Variants in SLC39A11 observed in about 807,000 individuals in gnomAD.
The protein encoded by SLC39A11 is solute carrier family 39 member 11.
A neutral mutation model predicts 36.1 loss-of-function variants in SLC39A11; 33 were observed. That is an observed-to-expected ratio of 0.91 (90% CI 0.69 to 1.22). SLC39A11 has a LOEUF of 1.22. Among genes scored for constraint, SLC39A11 ranks in the 50% most tolerant of loss-of-function variants. The pLI is 0.00. For missense variants in SLC39A11, 432 were observed against 430.3 expected, an observed-to-expected ratio of 1.00 and a Z score of -0.03; for synonymous variants, 166 against 170.3, an observed-to-expected ratio of 0.97 and a Z score of 0.20.
Position 72,687,083 on chromosome 17 carries a change from G to A in SLC39A11, c.672-37815C>T, listed in dbSNP as rs78860531. Among the ~76,000 whole-genome samples, 799 of 152,246 alleles carry A rather than the reference G, an allele frequency of 5.2e-3. 8 individuals carry two copies. The highest frequency in any genetic ancestry group is 8.6e-3 in the Non-Finnish European group (583 of 68,018). On this transcript the variant is annotated intron_variant, in intron 7 of 9. Transcript: ENST00000255559. ...TGCTCTGTCACCCAGGCTGGAGTTT[G>A]GTGGCACAATCACAGCTACTATAAC...
intron 7 of SLC39A11, among the ~76,000 whole-genome samples, chr17:72,690,959 C>T (rs2071999455): frequency 6.6e-6 from 1 of 152,140 alleles, no homozygotes; most frequent in African/African-American, 2.4e-5. Flanking sequence ...GACCAGATTT[C>T]CCAAATCTGT....
At chr17:73,047,991 ATATATATATATATATATATAT>A (rs368055109) in intron 3 of SLC39A11, among the ~76,000 whole-genome samples, 4,305 of 35,796 alleles carry the variant, frequency 0.12, 393 homozygotes, top group South Asian at 0.15. Context: ...AAAAAAAAAA[ATATATATATATATATATATAT>A]ATATATATAT....
intron 4 of SLC39A11, among the ~76,000 whole-genome samples, chr17:72,958,672 G>A (rs912267129): frequency 1.3e-5 from 2 of 152,022 alleles, no homozygotes; most frequent in Non-Finnish European, 2.9e-5. Context: ...CCAACATGGC[G>A]AAACCCCGTC....
intron 4 of SLC39A11, 109 bp from the exon 5 acceptor site, chr17:72,947,984 C>A: frequency 7.1e-7 from 1 of 1,415,482 alleles, no homozygotes; most frequent in South Asian, 1.3e-5. Flanking sequence ...CCAAGACCGC[C>A]ACAGCTGAGC....
chr17:72,801,323 C>A lies in SLC39A11; in HGVS notation c.601+48311G>T, dbSNP rs1043278589. On this transcript the variant is annotated intron_variant, in intron 6 of 9. Coordinates refer to ENST00000255559, the MANE Select transcript of SLC39A11 (RefSeq NM_139177.4). ...GCAACCTCTGCCTCCTGGGTTCAAG[C>A]AACTCTCCTGCCTCAGCCTCCTGAG... 2.0e-5 allele frequency among the ~76,000 whole-genome samples: 3 copies of A among 151,874 alleles called. No homozygotes were observed. In the East Asian group the frequency reaches 5.8e-4, roughly 29 times the overall value.
chr17:72,667,181 G>A (rs1053441149), intron 7 of SLC39A11, among the ~76,000 whole-genome samples: 2 of 152,162 alleles, frequency 1.3e-5, no homozygotes, highest in African/African-American at 4.8e-5. Flanking sequence ...AGGTGAAGAG[G>A]CAGGAGCAAG....
chr17:72,783,088 TGATTCTCACCAGAAAGCA>T (rs1381509834), intron 6 of SLC39A11, among the ~76,000 whole-genome samples: 3 of 127,238 alleles, frequency 2.4e-5, no homozygotes, highest in South Asian at 2.3e-4. Flanking sequence ...AGAAAGCAGA[TGATTCTCACCAGAAAGCA>T]GATTCTCACC....
chr17:72,828,783 G>A (rs549695439), intron 6 of SLC39A11, among the ~76,000 whole-genome samples: 3 of 152,188 alleles, frequency 2.0e-5, no homozygotes, highest in African/African-American at 7.2e-5. Context: ...GCTGGAGCAG[G>A]ACCTGTGCTG....
At chr17:73,034,710 A>G (rs572871425) in intron 3 of SLC39A11, among the ~76,000 whole-genome samples, 7 of 152,012 alleles carry the variant, frequency 4.6e-5, no homozygotes, top group African/African-American at 9.6e-5. Flanking sequence ...GACGTCCCCA[A>G]CCTCTGCTCT....
intron 5 of SLC39A11, among the ~76,000 whole-genome samples, chr17:72,917,063 A>T (rs2083375415): frequency 6.6e-6 from 1 of 152,242 alleles, no homozygotes; most frequent in Non-Finnish European, 1.5e-5. Context: ...GTGACCAGAT[A>T]GGAAGTGGTC....
chr17:72,903,578 G>C (rs1296696863), intron 5 of SLC39A11, among the ~76,000 whole-genome samples: 3 of 152,216 alleles, frequency 2.0e-5, no homozygotes, highest in African/African-American at 7.2e-5. Context: ...AGAGCACAGA[G>C]GGGCAGCCAA....
intron 4 of SLC39A11, among the ~76,000 whole-genome samples, chr17:73,010,892 C>T (rs1008706316): frequency 2.0e-5 from 3 of 152,196 alleles, no homozygotes; most frequent in Non-Finnish European, 4.4e-5. Flanking sequence ...ACTTCGATGC[C>T]GTAAGGAAGC....
At chr17:73,069,884 C>T (rs1460267855) in intron 3 of SLC39A11, among the ~76,000 whole-genome samples, 1 of 152,162 alleles carries the variant, frequency 6.6e-6, no homozygotes, top group Non-Finnish European at 1.5e-5. Flanking sequence ...TTCTAACAAG[C>T]TAGCTAAACA....
chr17:72,985,881 G>T (rs1056700757), intron 4 of SLC39A11, among the ~76,000 whole-genome samples: 3 of 152,096 alleles, frequency 2.0e-5, no homozygotes, highest in Non-Finnish European at 4.4e-5. Flanking sequence ...AGGTCATTAG[G>T]GCAGGTCCCA....
At chr17:72,887,841 T>G (rs1041366092) in intron 5 of SLC39A11, among the ~76,000 whole-genome samples, 12 of 152,218 alleles carry the variant, frequency 7.9e-5, no homozygotes, top group African/African-American at 2.9e-4. Flanking sequence ...GATCTCTGCT[T>G]CTATTTGTTC....
chr17:72,784,898 C>T (rs568392363), intron 6 of SLC39A11, among the ~76,000 whole-genome samples: 79 of 148,694 alleles, frequency 5.3e-4, no homozygotes, highest in Non-Finnish European at 9.6e-4. Context: ...CTCGCTCTGT[C>T]GCCCAGGCTG....
chr17:72,815,771 A>G (rs2077562048), intron 6 of SLC39A11, among the ~76,000 whole-genome samples: 1 of 151,934 alleles, frequency 6.6e-6, no homozygotes, highest in African/African-American at 2.4e-5. Context: ...AAAATACAAA[A>G]ATTAGCCAGA....
rs139144168 is a variant in SLC39A11 at position 72,920,948 on chromosome 17, G to A, written c.430+26804C>T. On this transcript the variant is annotated intron_variant, in intron 5 of 9. Transcript: ENST00000255559. Reference sequence around the variant, plus strand: ...TCCTTAGCAGTCAACACCATCTAACGCACTATGTATTTTGCTCATTTAGAA... The same window carrying A: ...TCCTTAGCAGTCAACACCATCTAACACACTATGTATTTTGCTCATTTAGAA... Among the ~76,000 whole-genome samples, 34 of 152,034 alleles carry A rather than the reference G, an allele frequency of 2.2e-4. No individual in the cohort carries two copies. The East Asian group carries it at 3.9e-3, about 17-fold the overall frequency.
At chr17:72,738,540 T>C (rs1465252846) in intron 6 of SLC39A11, among the ~76,000 whole-genome samples, 1 of 152,086 alleles carries the variant, frequency 6.6e-6, no homozygotes, top group Non-Finnish European at 1.5e-5. Context: ...TCTGCGTGTA[T>C]CTGATGGCGC....
Sources: gnomAD v4.1 joint callset for allele counts (sites outside exome capture counted in the v4.1 genomes callset) on GRCh38, gnomAD v4.1.1 for gene constraint, MANE v1.5 for transcripts, NCBI Gene and HGNC (gene_info 2026-07-23, HGNC 2026-07-21) for gene names.